Variants in KNTC1 observed in about 807,000 individuals in gnomAD.
The protein encoded by KNTC1 is kinetochore associated 1.
KNTC1 carries 253 observed loss-of-function variants against 314.4 expected under a neutral mutation model. The ratio of observed to expected loss-of-function variants is 0.80; its 90% CI spans 0.73 to 0.89. KNTC1 has a LOEUF of 0.89. Ranked by LOEUF, KNTC1 falls within the 40% of genes least tolerant of loss-of-function variation. KNTC1 has a pLI of 0.00. For missense variants in KNTC1, 2,475 were observed against 2,572.9 expected, an observed-to-expected ratio of 0.96 and a Z score of 0.82; for synonymous variants, 901 against 901.4, an observed-to-expected ratio of 1.00 and a Z score of 0.01.
intron 57 of KNTC1, among the ~76,000 whole-genome samples, chr12:122,616,483 G>A (rs553276590): frequency 1.7e-4 from 26 of 152,228 alleles, no homozygotes; most frequent in Admixed American, 3.3e-4. Flanking sequence ...GGATGGTCTC[G>A]ATCTCCTGAC....
chr12:122,599,164 A>T (rs1871479847), intron 44 of KNTC1, among the ~76,000 whole-genome samples: 1 of 151,116 alleles, frequency 6.6e-6, no homozygotes, highest in Admixed American at 6.6e-5. Flanking sequence ...AGGGGGTCTC[A>T]CTATATTGCC....
intron 21 of KNTC1, 117 bp downstream of exon 21, chr12:122,568,489 T>A: frequency 1.4e-6 from 1 of 739,050 alleles, no homozygotes; most frequent in Non-Finnish European, 2.4e-6. Flanking sequence ...GTTTTTTGAT[T>A]GGTTCTTAAA....
intron 45 of KNTC1, among the ~76,000 whole-genome samples, chr12:122,602,125 TTA>T (rs1566006919): frequency 6.6e-6 from 1 of 151,714 alleles, no homozygotes; most frequent in Non-Finnish European, 1.5e-5. Flanking sequence ...TATTTTAATA[TTA>T]TGTTAATAAG....
In KNTC1 at chr12:122,577,044, T is replaced by C. The variant is rs368240572; in HGVS notation, c.2721+15T>C. ...ATAGAGAACAGGTTTGTAAGTTTTA[T>C]GTTGTCATTTCATATGGCTTCTTTG... is the stretch of plus-strand genomic sequence containing the variant. On this transcript the variant is annotated intron_variant, in intron 30 of 63. Transcript: ENST00000333479. 54 of 1,486,296 alleles carry C rather than the reference T, an allele frequency of 3.6e-5. No individual in the cohort carries two copies. The highest frequency in any genetic ancestry group is 4.3e-5 in the African/African-American group (3 of 69,376). The allele number at this position is 1,486,296 out of a possible 1,614,324, so 92.1% of individuals were successfully genotyped here. A position where few individuals can be genotyped will look rare whatever the true frequency, so the allele number is the denominator to read the frequency against.
At chr12:122,585,511 C>A in intron 36 of KNTC1, 125 bp from the exon 37 acceptor site, 2 of 1,040,998 alleles carry the variant, frequency 1.9e-6, no homozygotes, top group Non-Finnish European at 2.8e-6. Flanking sequence ...AGCAAGGCCT[C>A]CCTCGACATT....
chr12:122,530,468 TG>T (rs1961224327), intron 2 of KNTC1, among the ~76,000 whole-genome samples: 4 of 151,712 alleles, frequency 2.6e-5, no homozygotes, highest in Non-Finnish European at 2.9e-5. Flanking sequence ...TTTTTTTTTT[TG>T]AGACAGATTC....
rs1419732930 is a variant in KNTC1, at chr12:122,575,797, C to G, written c.2487-3C>G. ...ATGTTAATATGGGTAAATTTGCTTT[C>G]AGAGTCAAGTTATTACAGGAAAGTT... On this transcript the variant is annotated splice_polypyrimidine_tract_variant and splice_region_variant and intron_variant, in intron 28 of 63. Transcript: ENST00000333479. The G allele has an allele frequency of 2.5e-6, 4 of 1,610,850 alleles. No individual in the cohort carries two copies. The highest frequency in any genetic ancestry group is 3.4e-6 in the Non-Finnish European group (4 of 1,178,138).
At chr12:122,578,745 G>T (rs1360752787) in intron 31 of KNTC1, among the ~76,000 whole-genome samples, 1 of 152,020 alleles carries the variant, frequency 6.6e-6, no homozygotes, top group Non-Finnish European at 1.5e-5. Context: ...AAACCCCTAA[G>T]GATAGATACC....
intron 9 of KNTC1, 43 bp downstream of exon 9, chr12:122,546,312 G>A: frequency 8.2e-7 from 1 of 1,217,350 alleles, no homozygotes; most frequent in African/African-American, 1.5e-5. Flanking sequence ...TTATTAGTGA[G>A]TTTTAATTTT....
intron 37 of KNTC1, 109 bp from the exon 38 acceptor site, chr12:122,586,592 G>T: frequency 1.0e-5 from 3 of 298,848 alleles, no homozygotes; most frequent in Admixed American, 5.1e-5. Flanking sequence ...ATGAATTTAA[G>T]GGGTCCAAGT....
At chr12:122,539,060 G>A (rs1259553608) in intron 4 of KNTC1, among the ~76,000 whole-genome samples, 2 of 152,208 alleles carry the variant, frequency 1.3e-5, no homozygotes, top group East Asian at 3.8e-4. Context: ...AAGATGGTCA[G>A]GTTTTTATTA....
chr12:122,563,754 C>T, intron 20 of KNTC1: 2 of 1,434,174 alleles, frequency 1.4e-6, no homozygotes, highest in South Asian at 1.7e-5. Context: ...AATGATCTGG[C>T]TCTTCTTGTA....
chr12:122,571,698 C>T (rs1250363899), intron 24 of KNTC1, among the ~76,000 whole-genome samples: 1 of 151,790 alleles, frequency 6.6e-6, no homozygotes, highest in African/African-American at 2.4e-5. Context: ...GAGATGGAGT[C>T]TCACCCTGTT....
intron 29 of KNTC1, 52 bp downstream of exon 29, chr12:122,575,951 T>C (rs1374994545): frequency 3.9e-6 from 6 of 1,534,286 alleles, no homozygotes; most frequent in Non-Finnish European, 5.2e-6. Flanking sequence ...TGGGGCAATA[T>C]GGAAAGCTTA....
At position 122,580,511 on chromosome 12, in the gene KNTC1, A is replaced by G. The variant is rs1406762969; in HGVS notation, c.2915-92A>G. On this transcript the variant is annotated intron_variant, in intron 32 of 63. Coordinates refer to ENST00000333479, the MANE Select transcript of KNTC1 (RefSeq NM_014708.6). ...AGAACTACTGAAGACTTGAGATGAG[A>G]GAACCAAAGCTAATTAAAATTTCTT... 3 of 734,768 alleles carry G rather than the reference A, an allele frequency of 4.1e-6. No homozygotes were observed. The African/African-American group carries it at 5.4e-5, about 13-fold the overall frequency. 45.5% of individuals were successfully genotyped at this position (734,768 alleles called of 1,614,324 possible).
In KNTC1 at chr12:122,546,209, C is replaced by T. The variant is rs765007039; in HGVS notation, c.703C>T (p.Pro235Ser). ...TGNCAFSKWE[P>S]DSSKKGMTVK... ...TAATTGTGCATTCTCAAAATGGGAA[C>T]CAGATTCTTCCAAGAAAGGAATGAC... Residue 235 changes from proline (P) to serine (S), a missense_variant, in exon 9 of 64, where the codon CCA becomes TCA. Coordinates refer to ENST00000333479, the MANE Select transcript of KNTC1 (RefSeq NM_014708.6). 10 of 1,609,528 alleles carry T rather than the reference C, an allele frequency of 6.2e-6. 1 individual carries two copies. The South Asian group carries it at 1.1e-4, about 18-fold the overall frequency.
Position 122,590,624 on chromosome 12 carries a change from G to A in KNTC1, c.4017G>A (p.Leu1339=). ...TCCTGTAGGTATTTAATTGTCGCTT[G>A]GTAGATCTTGACCTGGCGTTGGGTT... The part of the protein sequence containing the change: ...TLLHKVFNCR[L]VDLDLALGYC... Residue 1339 remains leucine (L), a synonymous_variant, in exon 41 of 64, where the codon TTG becomes TTA. Transcript: ENST00000333479. 6.2e-7 allele frequency: 1 copy of A among 1,612,016 alleles called. No individual in the cohort carries two copies. Among genetic ancestry groups the A allele is most frequent in the Non-Finnish European group, 8.5e-7 (1 of 1,178,856 alleles).
intron 2 of KNTC1, among the ~76,000 whole-genome samples, chr12:122,532,961 C>A (rs765706738): frequency 4.6e-5 from 7 of 152,102 alleles, no homozygotes; most frequent in African/African-American, 1.7e-4. Flanking sequence ...TCCTGTAGTC[C>A]CAGCTACTCA....
chr12:122,603,738 G>A (rs542373165), intron 48 of KNTC1, among the ~76,000 whole-genome samples: 8 of 152,152 alleles, frequency 5.3e-5, no homozygotes, highest in Non-Finnish European at 8.8e-5. Context: ...TGATCCGCCC[G>A]CCTCGGCCTC....
Sources: gnomAD v4.1 joint callset for allele counts (sites outside exome capture counted in the v4.1 genomes callset) on GRCh38, gnomAD v4.1.1 for gene constraint, MANE v1.5 for transcripts, NCBI Gene and HGNC (gene_info 2026-07-23, HGNC 2026-07-21) for gene names.